The following SERPINA3 variants were observed in gnomAD, a reference collection of about 807,000 sequenced individuals.
SERPINA3 encodes serpin family A member 3.
A neutral mutation model predicts 26.8 loss-of-function variants in SERPINA3; 32 were observed. The ratio of observed to expected loss-of-function variants is 1.20; its 90% confidence interval spans 0.90 to 1.61. The LOEUF is 1.61. Ranked by LOEUF, SERPINA3 falls within the 40% of genes most tolerant of loss-of-function variation. The probability of loss-of-function intolerance (pLI) is 0.00; values close to 1 mark genes in which losing one functional copy is unlikely to be tolerated. For missense variants in SERPINA3, 632 were observed against 517.9 expected (o/e 1.22, Z -2.14); for synonymous variants, 252 against 206.4 (o/e 1.22, Z -1.89).
chr14:94,622,658 C>A, intron 4 of SERPINA3, 167 bp downstream of exon 4: 1 of 729,360 alleles, frequency 1.4e-6, no homozygotes, highest in Non-Finnish European at 2.4e-6. Flanking sequence ...TAGGTTACAG[C>A]CCAGCTCCTC....
intron 1 of SERPINA3, 87 bp downstream of exon 1, chr14:94,612,534 T>C (rs898053690): frequency 6.2e-6 from 5 of 801,930 alleles, no homozygotes; most frequent in Non-Finnish European, 9.4e-6. Context: ...GTGTGGAGTG[T>C]GAGGGGTAAG....
rs1254725213 is a variant in SERPINA3, at chr14:94,622,511, T to C, written c.1068+20T>C. 1 of 1,613,602 alleles carries C rather than the reference T, an allele frequency of 6.2e-7. No individual in the cohort carries two copies. Among genetic ancestry groups the C allele is most frequent in the Non-Finnish European group, 8.5e-7 (1 of 1,179,748 alleles). ...TCCCAGGTGAGTCTTTAGACTTGGG[T>C]CAATTCATCCTTTGTATCCGAACTT... On this transcript the variant is annotated intron_variant, in intron 4 of 4. Transcript: ENST00000393078.
chr14:94,615,202 C>A, intron 2 of SERPINA3, 118 bp downstream of exon 2: 1 of 1,143,236 alleles, frequency 8.7e-7, no homozygotes, highest in Non-Finnish European at 1.3e-6. Flanking sequence ...AGCATGGGGG[C>A]AGCATAAGCA....
chr14:94,614,712 G>T lies in SERPINA3; in HGVS notation c.271G>T (p.Ala91Ser), dbSNP rs775322306. 8 of 1,613,992 alleles carry T rather than the reference G, an allele frequency of 5.0e-6. No homozygotes were observed. The highest frequency in any genetic ancestry group is 1.3e-5 in the African/African-American group (1 of 74,908). ...STALAFLSLG[A>S]HNTTLTEILK... ...CGCCTTGGCCTTCCTGTCTCTGGGG[G>T]CCCATAATACCACCCTGACAGAGAT... The change falls in exon 2 of 5, where the codon GCC (alanine) becomes TCC (serine). Residue 91 changes from alanine to serine, a missense_variant. Transcript: ENST00000393078.
chr14:94,614,611 C>A lies in SERPINA3; in HGVS notation c.170C>A (p.Ala57Asp). 1 of 1,614,148 alleles carries A rather than the reference C, an allele frequency of 6.2e-7. No individual in the cohort carries two copies. Among genetic ancestry groups the A allele is most frequent in the South Asian group, 1.1e-5 (1 of 91,066 alleles). The part of the protein sequence containing the change: ...LGLASANVDF[A>D]FSLYKQLVLK... ...TTAGCCTCCGCCAACGTGGACTTCG[C>A]TTTCAGCCTGTACAAGCAGTTAGTC... is the stretch of plus-strand genomic sequence containing the variant. Residue 57 changes from alanine to aspartate, a missense_variant, in exon 2 of 5, where the codon GCT (alanine) becomes GAT (aspartate). Physicochemically the swap from Ala to Asp is moderately radical, Grantham distance 126. Coordinates refer to ENST00000393078, the MANE Select transcript of SERPINA3 (RefSeq NM_001085.5).
intron 2 of SERPINA3, among the ~76,000 whole-genome samples, chr14:94,616,214 A>G (rs1214697365): frequency 1.3e-5 from 2 of 152,124 alleles, no homozygotes; most frequent in Non-Finnish European, 2.9e-5. Flanking sequence ...CCTGCCTCTA[A>G]CAATGGGAAA....
At chr14:94,614,163 T>G (rs1764438475) in intron 1 of SERPINA3, 1 of 480,530 alleles carries the variant, frequency 2.1e-6, no homozygotes, top group Admixed American at 3.3e-5. Flanking sequence ...TTTACCTGTT[T>G]GCTGTATGAT....
chr14:94,615,937 GA>G lies in SERPINA3; in HGVS notation c.643+856del, dbSNP rs1885980971. Among the ~76,000 whole-genome samples, 5 of 152,224 alleles carry G rather than the reference GA, an allele frequency of 3.3e-5. No individual in the cohort carries two copies. In the South Asian group the frequency reaches 1.0e-3, roughly 32 times the overall value. On this transcript the variant is annotated intron_variant, in intron 2 of 4. Transcript: ENST00000393078. ...AGAGTGATCACTGAGCCAGAGGGTG[GA>G]AAGGTGCTTAGGAGACATGAGCTGC...
At chr14:94,621,500 A>G (rs531948543) in intron 3 of SERPINA3, among the ~76,000 whole-genome samples, 13 of 152,294 alleles carry the variant, frequency 8.5e-5, no homozygotes, top group African/African-American at 3.1e-4. Flanking sequence ...AGCCTCCTGT[A>G]TAATTGTAAG....
At chr14:94,612,515 G>A (rs1018665887) in intron 1 of SERPINA3, 68 bp downstream of exon 1, 2 of 1,003,418 alleles carry the variant, frequency 2.0e-6, no homozygotes, top group Admixed American at 2.2e-5. Context: ...TTAGGCAGCA[G>A]CCTGGAGTGT....
chr14:94,614,546 C>T lies in SERPINA3; in HGVS notation c.105C>T (p.Thr35=), dbSNP rs746230012. 2 of 1,613,902 alleles carry T rather than the reference C, an allele frequency of 1.2e-6. No homozygotes were observed. Among genetic ancestry groups the T allele is most frequent in the Non-Finnish European group, 1.7e-6 (2 of 1,179,942 alleles). The change falls in exon 2 of 5, where the codon ACC becomes ACT. Residue 35 remains threonine (T), a synonymous_variant. Transcript: ENST00000393078. ...GCCCACTTGACGAGGAGAATCTGAC[C>T]CAGGAGAACCAAGACCGAGGGACAC... is the stretch of plus-strand genomic sequence containing the variant. ...PNSPLDEENL[T]QENQDRGTHV...
At chr14:94,619,656 A>G (rs1886130007) in intron 3 of SERPINA3, 188 bp downstream of exon 3, 1 of 679,058 alleles carries the variant, frequency 1.5e-6, no homozygotes, top group East Asian at 2.7e-5. Flanking sequence ...CAATGACATC[A>G]GACAGGACAA....
At chr14:94,614,173 T>A in intron 1 of SERPINA3, 1 of 505,644 alleles carries the variant, frequency 2.0e-6, no homozygotes, top group Non-Finnish European at 3.6e-6. Flanking sequence ...TGCTGTATGA[T>A]CTTGGGCAAG....
intron 3 of SERPINA3, among the ~76,000 whole-genome samples, chr14:94,620,296 G>A (rs1886153652): frequency 6.6e-6 from 1 of 152,204 alleles, no homozygotes; most frequent in Admixed American, 6.5e-5. Context: ...AGAAGAGTCA[G>A]GCCAGAGCAG....
Position 94,614,742 on chromosome 14 carries a change from A to C in SERPINA3, c.301A>C (p.Lys101Gln). Reference sequence around the variant, plus strand: ...TAATACCACCCTGACAGAGATTCTCAAAGGCCTCAAGTTCAACCTCACGGA... The same window carrying C: ...TAATACCACCCTGACAGAGATTCTCCAAGGCCTCAAGTTCAACCTCACGGA... ...AHNTTLTEIL[K>Q]GLKFNLTETS... The change falls in exon 2 of 5, where the codon AAA becomes CAA. Residue 101 changes from lysine to glutamine, a missense_variant. Lys to Gln is a moderately conservative substitution (Grantham distance 53). Transcript: ENST00000393078. The C allele has an allele frequency of 6.2e-7, 1 of 1,614,146 alleles. No individual in the cohort carries two copies. The highest frequency in any genetic ancestry group is 8.5e-7 in the Non-Finnish European group (1 of 1,180,038).
intron 1 of SERPINA3, among the ~76,000 whole-genome samples, chr14:94,613,034 A>T (rs1350320912): frequency 6.6e-6 from 1 of 152,228 alleles, no homozygotes; most frequent in Admixed American, 6.5e-5. Flanking sequence ...CCCTGAAATA[A>T]TTCTGGAGAA....
At position 94,623,601 on chromosome 14, in the gene SERPINA3, GT is replaced by G; in HGVS notation, c.1069-9del. 1 of 1,613,488 alleles carries G rather than the reference GT, an allele frequency of 6.2e-7. No individual in the cohort carries two copies. Among genetic ancestry groups the G allele is most frequent in the South Asian group, 1.1e-5 (1 of 91,064 alleles). ...TGTTTCCCGTGTGTAATGTTCTGCT[GT>G]CCCCACAGGTGGTCCATAAGGCTGT... On this transcript the variant is annotated splice_polypyrimidine_tract_variant and intron_variant, in intron 4 of 4. Transcript: ENST00000393078.
chr14:94,619,395 G>A lies in SERPINA3; in HGVS notation c.844G>A (p.Asp282Asn). 6.2e-7 allele frequency: 1 copy of A among 1,614,174 alleles called. No individual in the cohort carries two copies. The highest frequency in any genetic ancestry group is 1.1e-5 in the South Asian group (1 of 91,080). Residue 282 changes from aspartate (D) to asparagine (N), a missense_variant, in exon 3 of 5, where the codon GAC (aspartate) becomes AAC (asparagine). Physicochemically the swap from Asp to Asn is conservative, Grantham distance 23. Coordinates refer to ENST00000393078, the MANE Select transcript of SERPINA3 (RefSeq NM_001085.5). ...CGCACTCTTCATCCTCCCTGATCAA[G>A]ACAAGATGGAGGAAGTGGAAGCCAT... is the stretch of plus-strand genomic sequence containing the variant. ...ASALFILPDQ[D>N]KMEEVEAMLL...
In SERPINA3 at chr14:94,619,323, G is replaced by T; in HGVS notation, c.772G>T (p.Glu258Ter). Reference sequence around the variant, plus strand: ...GACTATACCTTACTTCCGGGACGAGGAGCTGTCCTGCACCGTGGTGGAGCT... The same window carrying T: ...GACTATACCTTACTTCCGGGACGAGTAGCTGTCCTGCACCGTGGTGGAGCT... ...HLTIPYFRDEELSCTVVELKY... is the reference protein window; with the variant it reads ...HLTIPYFRDE The change falls in exon 3 of 5, where the codon GAG (glutamate) becomes TAG (stop). Residue 258 changes from glutamate (E) to a stop codon, truncating the protein, a stop_gained. Coordinates refer to ENST00000393078, the MANE Select transcript of SERPINA3 (RefSeq NM_001085.5). LOFTEE classifies it high-confidence loss of function. The T allele has an allele frequency of 6.2e-7, 1 of 1,614,188 alleles. No homozygotes were observed. Among genetic ancestry groups the T allele is most frequent in the East Asian group, 2.2e-5 (1 of 44,878 alleles).
Sources: gnomAD v4.1 joint callset for allele counts (sites outside exome capture counted in the v4.1 genomes callset) on GRCh38, gnomAD v4.1.1 for gene constraint, MANE v1.5 for transcripts, NCBI Gene and HGNC (gene_info 2026-07-23, HGNC 2026-07-21) for gene names.